Variants in NCKAP5 observed in about 807,000 individuals in gnomAD.
NCKAP5 encodes nck-associated protein 5.
NCKAP5 carries 92 observed loss-of-function variants against 167.0 expected under a neutral mutation model. The observed-to-expected ratio is 0.55, with a 90% CI of 0.47 to 0.66. NCKAP5 has a LOEUF of 0.66. Ranked by LOEUF, NCKAP5 falls within the 30% of genes least tolerant of loss-of-function variation. The pLI is 0.00. For synonymous variants in NCKAP5, 891 were observed against 877.4 expected (o/e 1.02, Z -0.27); for missense variants, 2,378 against 2,315.0 (o/e 1.03, Z -0.56).
intron 11 of NCKAP5, among the ~76,000 whole-genome samples, chr2:132,847,344 G>A (rs1339737416): frequency 2.0e-5 from 3 of 152,124 alleles, no homozygotes; most frequent in Admixed American, 6.6e-5. Flanking sequence ...CAACAACCAA[G>A]AAGTTAGTAT....
chr2:133,281,623 A>G (rs904993255), intron 4 of NCKAP5, among the ~76,000 whole-genome samples: 1 of 152,210 alleles, frequency 6.6e-6, no homozygotes, highest in African/African-American at 2.4e-5. Context: ...AAGTTCTTAA[A>G]AGTTAAGAAC....
intron 3 of NCKAP5, among the ~76,000 whole-genome samples, chr2:133,484,061 AT>A (rs767653176): frequency 6.6e-6 from 1 of 152,170 alleles, no homozygotes; most frequent in Non-Finnish European, 1.5e-5. Flanking sequence ...CAAATCCCTC[AT>A]TTTGAAAAAG....
chr2:132,790,016 G>C lies in NCKAP5; in HGVS notation c.1092+7C>G. Reference sequence around the variant, plus strand: ...TTCTGGTTCATTCCGATGCCACAGTGCCTTACCCTTTTCCTGAGGTTCTTC... The same window carrying C: ...TTCTGGTTCATTCCGATGCCACAGTCCCTTACCCTTTTCCTGAGGTTCTTC... On this transcript the variant is annotated splice_region_variant and intron_variant, in intron 13 of 19. Coordinates refer to ENST00000409261, the MANE Select transcript of NCKAP5 (RefSeq NM_207363.3). 1.9e-6 allele frequency: 3 copies of C among 1,609,906 alleles called. No individual in the cohort carries two copies. The highest frequency in any genetic ancestry group is 2.5e-6 in the Non-Finnish European group (3 of 1,177,688).
the NCKAP5 span, among the ~76,000 whole-genome samples, chr2:133,584,202 GCA>G: frequency 6.6e-6 from 1 of 151,984 alleles, no homozygotes; most frequent in Non-Finnish European, 1.5e-5. Flanking sequence ...TCTCACACAT[GCA>G]CACACACACA....
At chr2:133,224,364 T>C (rs551629476) in intron 4 of NCKAP5, among the ~76,000 whole-genome samples, 1 of 152,336 alleles carries the variant, frequency 6.6e-6, no homozygotes, top group Admixed American at 6.5e-5. Context: ...TCTCACTGAC[T>C]TGAGGCAAGA....
chr2:132,911,881 C>G (rs1009724570), intron 8 of NCKAP5, among the ~76,000 whole-genome samples: 1 of 152,292 alleles, frequency 6.6e-6, no homozygotes, highest in East Asian at 1.9e-4. Context: ...TGTTGATTAG[C>G]GGGCCCTCCC....
chr2:133,048,170 T>C (rs1202834017), intron 6 of NCKAP5, among the ~76,000 whole-genome samples: 1 of 152,142 alleles, frequency 6.6e-6, no homozygotes, highest in African/African-American at 2.4e-5. Flanking sequence ...CCAATTGCCC[T>C]GTAAGCGTAG....
At chr2:133,252,558 C>T (rs571414959) in intron 4 of NCKAP5, among the ~76,000 whole-genome samples, 1 of 152,268 alleles carries the variant, frequency 6.6e-6, no homozygotes, top group South Asian at 2.1e-4. Context: ...TACAGTAATG[C>T]TGCCGTGAAG....
intron 16 of NCKAP5, among the ~76,000 whole-genome samples, chr2:132,752,886 G>C (rs1680233179): frequency 6.6e-6 from 1 of 152,150 alleles, no homozygotes; most frequent in African/African-American, 2.4e-5. Context: ...CAAGCACAAA[G>C]ACAGGAAAAA....
At chr2:133,379,212 T>C (rs1338829255) in intron 3 of NCKAP5, among the ~76,000 whole-genome samples, 2 of 152,234 alleles carry the variant, frequency 1.3e-5, no homozygotes, top group Non-Finnish European at 2.9e-5. Flanking sequence ...TATTTCACAC[T>C]TCACTGCTCT....
chr2:133,567,711 A>G (rs1236881667), intron 1 of NCKAP5, among the ~76,000 whole-genome samples: 1 of 113,260 alleles, frequency 8.8e-6, no homozygotes, highest in African/African-American at 3.1e-5. Flanking sequence ...TTGGGGAGAG[A>G]GTGTAGGTAG....
intron 7 of NCKAP5, among the ~76,000 whole-genome samples, chr2:132,989,005 C>T (rs898372282): frequency 6.6e-6 from 1 of 152,214 alleles, no homozygotes; most frequent in Non-Finnish European, 1.5e-5. Context: ...TTACCATTTC[C>T]ACTTGTCCAT....
At chr2:133,352,555 G>C (rs947462512) in intron 3 of NCKAP5, among the ~76,000 whole-genome samples, 7 of 152,196 alleles carry the variant, frequency 4.6e-5, no homozygotes, top group African/African-American at 1.7e-4. Flanking sequence ...AGAATTAGCT[G>C]GGGTGGGCTA....
the NCKAP5 span, among the ~76,000 whole-genome samples, chr2:133,613,167 T>C: frequency 2.6e-5 from 4 of 152,160 alleles, no homozygotes; most frequent in African/African-American, 9.7e-5. Flanking sequence ...AAAGTCAAAA[T>C]CTACATCTAA....
chr2:132,773,987 T>C, intron 15 of NCKAP5, 93 bp from the exon 16 acceptor site: 5 of 1,003,316 alleles, frequency 5.0e-6, no homozygotes, highest in Non-Finnish European at 7.6e-6. Flanking sequence ...CTATAACAAA[T>C]ATGTGGGCAT....
intron 5 of NCKAP5, among the ~76,000 whole-genome samples, chr2:133,173,981 T>C (rs1239604734): frequency 6.6e-6 from 1 of 152,110 alleles, no homozygotes; most frequent in Non-Finnish European, 1.5e-5. Flanking sequence ...ATACGCTTTT[T>C]TTCCCCCAGT....
intron 19 of NCKAP5, among the ~76,000 whole-genome samples, chr2:132,683,214 G>A (rs144313830): frequency 3.6e-4 from 55 of 152,044 alleles, no homozygotes; most frequent in Non-Finnish European, 5.4e-4. Flanking sequence ...TATGCTATCC[G>A]TTCTGACATC....
chr2:133,189,617 A>G (rs1032264766), intron 5 of NCKAP5, among the ~76,000 whole-genome samples: 3 of 152,222 alleles, frequency 2.0e-5, no homozygotes, highest in African/African-American at 7.2e-5. Flanking sequence ...CTGGGATGCA[A>G]GGCTGGTTCA....
intron 11 of NCKAP5, among the ~76,000 whole-genome samples, chr2:132,829,688 G>T (rs958138810): frequency 6.6e-6 from 1 of 152,082 alleles, no homozygotes; most frequent in African/African-American, 2.4e-5. Context: ...GCTTGAAAAA[G>T]TCAGATTACT....
Sources: gnomAD v4.1 joint callset for allele counts (sites outside exome capture counted in the v4.1 genomes callset) on GRCh38, gnomAD v4.1.1 for gene constraint, MANE v1.5 for transcripts, NCBI Gene and HGNC (gene_info 2026-07-23, HGNC 2026-07-21) for gene names.